HPSE2: variants seen among roughly 807,000 people sequenced by gnomAD.
HPSE2 encodes heparanase 2 (inactive), also known as inactive heparanase-2.
In HPSE2, 38 loss-of-function variants were observed where a neutral mutation model predicts 60.5. That is an observed-to-expected ratio of 0.63 (90% confidence interval 0.48 to 0.82). HPSE2 has a LOEUF of 0.82. Among genes scored for constraint, HPSE2 ranks in the 40% least tolerant of loss-of-function variants. The probability of loss-of-function intolerance (pLI) is 0.00; values close to 1 mark genes in which losing one functional copy is unlikely to be tolerated. For synonymous variants in HPSE2, 295 were observed against 293.2 expected (o/e 1.01, Z -0.06); for missense variants, 713 against 740.4 (o/e 0.96, Z 0.43).
At chr10:98,723,912 C>T (rs1174920383) in intron 4 of HPSE2, among the ~76,000 whole-genome samples, 25 of 152,238 alleles carry the variant, frequency 1.6e-4, no homozygotes, top group East Asian at 1.2e-3. Context: ...TTTCAAAAAA[C>T]CAGCTCCTGG....
At chr10:98,664,934 A>C (rs1005180378) in intron 6 of HPSE2, among the ~76,000 whole-genome samples, 2 of 152,154 alleles carry the variant, frequency 1.3e-5, no homozygotes, top group African/African-American at 4.8e-5. Flanking sequence ...CCAACCCCCA[A>C]ATGGTTCTTA....
At chr10:98,854,413 T>C (rs1333555866) in intron 3 of HPSE2, among the ~76,000 whole-genome samples, 3 of 152,224 alleles carry the variant, frequency 2.0e-5, no homozygotes, top group Non-Finnish European at 4.4e-5. Context: ...TCATTAGCTG[T>C]AACAGGTCAG....
At chr10:98,662,278 C>G (rs565508107) in intron 6 of HPSE2, among the ~76,000 whole-genome samples, 4 of 152,236 alleles carry the variant, frequency 2.6e-5, no homozygotes, top group Admixed American at 2.6e-4. Flanking sequence ...GGTGCCCCCC[C>G]GGAAACTGAC....
intron 2 of HPSE2, among the ~76,000 whole-genome samples, chr10:99,207,502 G>C (rs1848797632): frequency 6.6e-6 from 1 of 152,122 alleles, no homozygotes; most frequent in Non-Finnish European, 1.5e-5. Flanking sequence ...ATACTGTAAT[G>C]ATAGTATGTG....
chr10:99,102,867 A>G (rs2135649229), intron 3 of HPSE2, among the ~76,000 whole-genome samples: 1 of 152,328 alleles, frequency 6.6e-6, no homozygotes, highest in Admixed American at 6.5e-5. Flanking sequence ...TATAAACAGA[A>G]CCAAAGACAA....
chr10:98,941,180 G>A lies in HPSE2; in HGVS notation c.611-197124C>T, dbSNP rs1370523647. On this transcript the variant is annotated intron_variant, in intron 3 of 11. Coordinates refer to ENST00000370552, the MANE Select transcript of HPSE2 (RefSeq NM_021828.5). Reference sequence around the variant, plus strand: ...CCCTTAGAAAACTGGCACAAGACAGGGATGCCCTCTCTCACCACTCCTATT... The same window carrying A: ...CCCTTAGAAAACTGGCACAAGACAGAGATGCCCTCTCTCACCACTCCTATT... Among the ~76,000 whole-genome samples the A allele has an allele frequency of 1.4e-5, 2 of 138,358 alleles. 1 individual carries two copies. The highest frequency in any genetic ancestry group is 6.1e-5 in the African/African-American group (2 of 32,996). The allele number at this position is 138,358 out of a possible 152,430, so 90.8% of individuals were successfully genotyped here. A position where few individuals can be genotyped will look rare whatever the true frequency, so the allele number is the denominator to read the frequency against.
intron 3 of HPSE2, among the ~76,000 whole-genome samples, chr10:99,047,052 G>A (rs1957872353): frequency 6.6e-6 from 1 of 152,080 alleles, no homozygotes; most frequent in African/African-American, 2.4e-5. Context: ...GAGACAGCAT[G>A]CTACCCAACT....
At chr10:98,901,483 A>G (rs1363333676) in intron 3 of HPSE2, among the ~76,000 whole-genome samples, 5 of 152,130 alleles carry the variant, frequency 3.3e-5, no homozygotes, top group African/African-American at 1.2e-4. Context: ...CCCTACCTGA[A>G]TATTTCTTAT....
At chr10:98,513,710 A>G (rs144402498) in intron 9 of HPSE2, among the ~76,000 whole-genome samples, 1 of 152,322 alleles carries the variant, frequency 6.6e-6, no homozygotes, top group African/African-American at 2.4e-5. Context: ...TTTGGCAGAA[A>G]TGCATTTGAA....
intron 6 of HPSE2, among the ~76,000 whole-genome samples, chr10:98,690,055 T>C (rs1948034009): frequency 2.0e-5 from 3 of 152,244 alleles, no homozygotes. Flanking sequence ...AATATATACA[T>C]TTCAGGGATC....
chr10:98,825,636 G>T (rs1010418073), intron 3 of HPSE2, among the ~76,000 whole-genome samples: 5 of 150,232 alleles, frequency 3.3e-5, no homozygotes, highest in Non-Finnish European at 7.4e-5. Flanking sequence ...GGGGAGGTGT[G>T]GGGGGGAGTG....
intron 9 of HPSE2, among the ~76,000 whole-genome samples, chr10:98,520,241 G>C (rs1999789): frequency 0.81 from 122,696 of 152,134 alleles, 52,242 homozygotes; most frequent in East Asian, 0.96. Flanking sequence ...TCTCTGAACA[G>C]TGGGGACATG....
chr10:99,246,338 T>G, the HPSE2 span, among the ~76,000 whole-genome samples: 1 of 152,202 alleles, frequency 6.6e-6, no homozygotes, highest in African/African-American at 2.4e-5. Context: ...TCCTTGCCCT[T>G]GGAAACCTCA....
chr10:98,957,220 A>G (rs2135217354), intron 3 of HPSE2, among the ~76,000 whole-genome samples: 1 of 152,322 alleles, frequency 6.6e-6, no homozygotes. Flanking sequence ...CACTAAAAGC[A>G]TGCTATATGA....
chr10:99,177,447 C>T (rs1243517176), intron 2 of HPSE2, among the ~76,000 whole-genome samples: 1 of 148,234 alleles, frequency 6.7e-6, no homozygotes, highest in African/African-American at 2.5e-5. Context: ...AAATGGAAAG[C>T]AAAAAAAAAG....
At chr10:99,288,984 TA>T in the HPSE2 span, among the ~76,000 whole-genome samples, 1 of 152,186 alleles carries the variant, frequency 6.6e-6, no homozygotes, top group African/African-American at 2.4e-5. Flanking sequence ...AAATACCAGC[TA>T]AAAATCTAAT....
At chr10:98,905,903 T>C (rs1953802158) in intron 3 of HPSE2, among the ~76,000 whole-genome samples, 4 of 152,290 alleles carry the variant, frequency 2.6e-5, no homozygotes, top group African/African-American at 7.2e-5. Context: ...CAAGCTGTAG[T>C]GGATGTATGT....
At chr10:98,721,870 A>C (rs754614244) in intron 4 of HPSE2, 42 bp from the exon 5 acceptor site, 1 of 1,530,126 alleles carries the variant, frequency 6.5e-7, no homozygotes, top group Admixed American at 1.7e-5. Context: ...GAGAAGTGTA[A>C]GGTTCTGCCA....
intron 9 of HPSE2, among the ~76,000 whole-genome samples, chr10:98,614,404 T>C (rs1945843203): frequency 6.6e-6 from 1 of 151,710 alleles, no homozygotes; most frequent in East Asian, 2.0e-4. Context: ...GCCATTCTCC[T>C]GCTTCAGCCT....
Sources: gnomAD v4.1 joint callset for allele counts (sites outside exome capture counted in the v4.1 genomes callset) on GRCh38, gnomAD v4.1.1 for gene constraint, MANE v1.5 for transcripts, NCBI Gene and HGNC (gene_info 2026-07-23, HGNC 2026-07-21) for gene names.